Variants in SLFN5 observed in about 807,000 individuals in gnomAD.
The protein encoded by SLFN5 is schlafen family member 5.
A neutral mutation model predicts 48.5 loss-of-function variants in SLFN5; 34 were observed. The ratio of observed to expected loss-of-function variants is 0.70; its 90% CI spans 0.53 to 0.93. The LOEUF (loss-of-function observed/expected upper bound fraction) is 0.93. Among genes scored for constraint, SLFN5 ranks in the 40% least tolerant of loss-of-function variants. SLFN5 has a pLI of 0.00. For missense variants in SLFN5, 1,006 were observed against 1,071.3 expected, an observed-to-expected ratio of 0.94 and a Z score of 0.85; for synonymous variants, 387 against 396.2, an observed-to-expected ratio of 0.98 and a Z score of 0.28.
chr17:35,265,499 G>A lies in SLFN5; in HGVS notation c.2287G>A (p.Asp763Asn). ...GVPGNLEIIEDLNLEEILIYV... is the reference protein window; with the variant it reads ...GVPGNLEIIENLNLEEILIYV... ...CCCAGGCAACTTAGAGATTATTGAA[G>A]ACTTGAACTTGGAGGAGATACTGAT... The change falls in exon 5 of 5, where the codon GAC becomes AAC. Residue 763 changes from aspartate to asparagine, a missense_variant. Transcript: ENST00000299977. 1.2e-6 allele frequency: 2 copies of A among 1,614,224 alleles called. No homozygotes were observed. The highest frequency in any genetic ancestry group is 2.2e-5 in the East Asian group (1 of 44,892).
intron 1 of SLFN5, among the ~76,000 whole-genome samples, chr17:35,250,975 A>C (rs1454232962): frequency 6.6e-6 from 1 of 152,212 alleles, no homozygotes; most frequent in African/African-American, 2.4e-5. Context: ...TTCTAGGTTA[A>C]CTGGATATTG....
intron 3 of SLFN5, among the ~76,000 whole-genome samples, chr17:35,262,579 A>G (rs1331892839): frequency 1.3e-5 from 2 of 152,018 alleles, no homozygotes; most frequent in African/African-American, 4.8e-5. Flanking sequence ...AGAAAAAAAG[A>G]TGGCCGGGTG....
intron 1 of SLFN5, among the ~76,000 whole-genome samples, chr17:35,254,184 CATT>C (rs1005458192): frequency 5.9e-5 from 9 of 152,116 alleles, no homozygotes; most frequent in Non-Finnish European, 1.3e-4. Context: ...TTTAACTTAG[CATT>C]ATTGTCTTAT....
In SLFN5 at chr17:35,267,569, A is replaced by T. The variant is rs1904732811; in HGVS notation, c.*1681A>T. 6.6e-6 allele frequency: 1 copy of T among 152,034 alleles called. No homozygotes were observed. Among genetic ancestry groups the T allele is most frequent in the Non-Finnish European group, 1.5e-5 (1 of 68,066 alleles). The allele number at this position is 152,034 out of a possible 1,614,324, so 9.4% of individuals were successfully genotyped here. On this transcript the variant is annotated 3_prime_UTR_variant, in exon 5 of 5. Transcript: ENST00000299977. ...AACAAACAAATAAATAAATAAATAA[A>T]ATTAGCTGGGAATGGTGATGCACAC...
intron 1 of SLFN5, among the ~76,000 whole-genome samples, chr17:35,256,970 T>C (rs1245490034): frequency 1.3e-5 from 2 of 152,080 alleles, no homozygotes; most frequent in East Asian, 1.9e-4. Context: ...TAGATTCTCA[T>C]AGGAACATGA....
chr17:35,264,730 G>A lies in SLFN5; in HGVS notation c.1686G>A (p.Glu562=). Residue 562 remains glutamate, a synonymous_variant, in exon 4 of 5, where the codon GAG becomes GAA. Coordinates refer to ENST00000299977, the MANE Select transcript of SLFN5 (RefSeq NM_144975.4). ...ACCTACTGACAAATAAACAGTATGA[G>A]TTGCTTTCAAAGAACCTTCGCAAGA... ...VLNLLTNKQY[E]LLSKNLRKTR... The A allele has an allele frequency of 1.2e-6, 2 of 1,603,798 alleles. No homozygotes were observed. Among genetic ancestry groups the A allele is most frequent in the South Asian group, 1.1e-5 (1 of 89,382 alleles).
chr17:35,264,177 G>A lies in SLFN5; in HGVS notation c.1139-6G>A. The A allele has an allele frequency of 6.4e-7, 1 of 1,571,110 alleles. No homozygotes were observed. The highest frequency in any genetic ancestry group is 8.6e-7 in the Non-Finnish European group (1 of 1,163,156). On this transcript the variant is annotated splice_polypyrimidine_tract_variant and splice_region_variant and intron_variant, in intron 3 of 4. Coordinates refer to ENST00000299977, the MANE Select transcript of SLFN5 (RefSeq NM_144975.4). ...TCTAATTTCTTCCCATCCTTTCCCT[G>A]TCTAGTATTTTCAGACAGAGTGGTA...
Position 35,258,832 on chromosome 17 carries a change from T to A in SLFN5, c.142T>A (p.Cys48Ser). ...GAATGAAATCATCCTGCGAGCAGTA[T>A]GTGCTCTGCTGAATTCTGGTGGGGG... is the stretch of plus-strand genomic sequence containing the variant. ...KQNEIILRAV[C>S]ALLNSGGGII... The change falls in exon 2 of 5, where the codon TGT (cysteine) becomes AGT (serine). Residue 48 changes from cysteine to serine, a missense_variant. Transcript: ENST00000299977. 6.2e-7 allele frequency: 1 copy of A among 1,614,188 alleles called. No homozygotes were observed. The highest frequency in any genetic ancestry group is 8.5e-7 in the Non-Finnish European group (1 of 1,180,026).
chr17:35,250,568 G>A (rs1057216209), intron 1 of SLFN5, among the ~76,000 whole-genome samples: 1 of 151,654 alleles, frequency 6.6e-6, no homozygotes, highest in Non-Finnish European at 1.5e-5. Flanking sequence ...GCTGAGGCAG[G>A]AGAATGGCGT....
At chr17:35,256,091 G>A (rs1405986181) in intron 1 of SLFN5, among the ~76,000 whole-genome samples, 1 of 152,160 alleles carries the variant, frequency 6.6e-6, no homozygotes, top group East Asian at 1.9e-4. Flanking sequence ...GGGCGCGGTG[G>A]CTTACGCCTG....
intron 3 of SLFN5, among the ~76,000 whole-genome samples, chr17:35,262,241 G>A (rs1356749585): frequency 6.6e-6 from 1 of 151,816 alleles, no homozygotes; most frequent in Non-Finnish European, 1.5e-5. Flanking sequence ...TTAGCTGGGT[G>A]TGGTGGCATG....
At chr17:35,250,041 C>T (rs1353949210) in intron 1 of SLFN5, among the ~76,000 whole-genome samples, 1 of 152,172 alleles carries the variant, frequency 6.6e-6, no homozygotes, top group Non-Finnish European at 1.5e-5. Context: ...TGCAAAGGTC[C>T]TCTCCTATCC....
intron 1 of SLFN5, among the ~76,000 whole-genome samples, chr17:35,250,453 A>C (rs1384399347): frequency 6.6e-6 from 1 of 152,114 alleles, no homozygotes; most frequent in Non-Finnish European, 1.5e-5. Flanking sequence ...AGGTCAGATC[A>C]AGACCATCCT....
At chr17:35,247,715 T>C (rs1328989931) in intron 1 of SLFN5, among the ~76,000 whole-genome samples, 1 of 152,212 alleles carries the variant, frequency 6.6e-6, no homozygotes, top group Non-Finnish European at 1.5e-5. Context: ...TGTGTTGTGC[T>C]GTTTAAAAGC....
intron 1 of SLFN5, among the ~76,000 whole-genome samples, chr17:35,254,549 G>C (rs2092450239): frequency 6.6e-6 from 1 of 152,114 alleles, no homozygotes; most frequent in African/African-American, 2.4e-5. Context: ...TACGACACAG[G>C]GTTCTGTAAT....
At chr17:35,255,347 G>A (rs2092451785) in intron 1 of SLFN5, among the ~76,000 whole-genome samples, 1 of 152,160 alleles carries the variant, frequency 6.6e-6, no homozygotes, top group African/African-American at 2.4e-5. Flanking sequence ...TTGACACATT[G>A]AGCACATATT....
In SLFN5 at chr17:35,265,427, C is replaced by T. The variant is rs185910438; in HGVS notation, c.2215C>T (p.Pro739Ser). 1.3e-5 allele frequency: 21 copies of T among 1,614,212 alleles called. No individual in the cohort carries two copies. In the East Asian group the frequency reaches 1.8e-4, roughly 14 times the overall value. The change falls in exon 5 of 5, where the codon CCT becomes TCT. Residue 739 changes from proline (P) to serine (S), a missense_variant. Transcript: ENST00000299977. ...ACAAAATCCTCCACCTAACCTCCCCCCTGGGTCCCTGGTGATGCTCTATGA... is the reference window on the plus strand; with the variant it reads ...ACAAAATCCTCCACCTAACCTCCCCTCTGGGTCCCTGGTGATGCTCTATGA... ...ARQNPPPNLP[P>S]GSLVMLYEPK...
rs1467772117 is a variant in SLFN5, at chr17:35,259,203, AGCT to A, written c.520_522del (p.Ala174del). On this transcript the variant is annotated inframe_deletion, in exon 2 of 5. Coordinates refer to ENST00000299977, the MANE Select transcript of SLFN5 (RefSeq NM_144975.4). ...AATATGAAGGTAACATAAATGTGTC[AGCT>A]GCTGCTTTATTTGATAGAAAGCGGC... 6.2e-7 allele frequency: 1 copy of A among 1,614,166 alleles called. No individual in the cohort carries two copies. The highest frequency in any genetic ancestry group is 1.1e-5 in the South Asian group (1 of 91,088).
rs1167206616 is a variant in SLFN5, at chr17:35,271,417, A to C, written c.*5529A>C. ...ACATAAGGTTAAGTCTATACATATT[A>C]TTTTCTAATTGCCTATTATGTCAGA... On this transcript the variant is annotated 3_prime_UTR_variant, in exon 5 of 5. Transcript: ENST00000299977. 1 of 152,220 alleles carries C rather than the reference A, an allele frequency of 6.6e-6. No homozygotes were observed. Among genetic ancestry groups the C allele is most frequent in the Non-Finnish European group, 1.5e-5 (1 of 68,038 alleles). 9.4% of individuals were successfully genotyped at this position (152,220 alleles called of 1,614,324 possible). A position where few individuals can be genotyped will look rare whatever the true frequency, so the allele number is the denominator to read the frequency against.
Sources: gnomAD v4.1 joint callset for allele counts (sites outside exome capture counted in the v4.1 genomes callset) on GRCh38, gnomAD v4.1.1 for gene constraint, MANE v1.5 for transcripts, NCBI Gene and HGNC (gene_info 2026-07-23, HGNC 2026-07-21) for gene names.